SRD5A1: variants seen among roughly 807,000 people sequenced by gnomAD.
SRD5A1 encodes the protein steroid 5 alpha-reductase 1, also known as 3-oxo-5-alpha-steroid 4-dehydrogenase 1.
SRD5A1 carries 22 observed loss-of-function variants against 28.2 expected under a neutral mutation model. The ratio of observed to expected loss-of-function variants is 0.78; its 90% CI spans 0.56 to 1.12. SRD5A1 has a LOEUF of 1.12. Ranked by LOEUF, SRD5A1 falls within the 50% of genes most tolerant of loss-of-function variation. The pLI, the probability that SRD5A1 is intolerant of heterozygous loss-of-function variation, is 0.00. For synonymous variants in SRD5A1, 151 were observed against 135.0 expected, an observed-to-expected ratio of 1.12 and a Z score of -0.82; for missense variants, 300 against 346.7, an observed-to-expected ratio of 0.87 and a Z score of 1.07.
chr5:6,650,116 T>C (rs1265259218), intron 1 of SRD5A1, among the ~76,000 whole-genome samples: 1 of 152,244 alleles, frequency 6.6e-6, no homozygotes, highest in Non-Finnish European at 1.5e-5. Flanking sequence ...ACTTTGTCTA[T>C]TTCATCAAGT....
intron 1 of SRD5A1, among the ~76,000 whole-genome samples, chr5:6,636,294 A>T (rs963758479): frequency 4.6e-5 from 7 of 152,218 alleles, no homozygotes; most frequent in African/African-American, 1.7e-4. Flanking sequence ...AGCCCCTGGA[A>T]GCGTCCTGGA....
intron 1 of SRD5A1, among the ~76,000 whole-genome samples, chr5:6,651,099 G>A (rs1452663516): frequency 1.3e-5 from 2 of 152,142 alleles, no homozygotes; most frequent in East Asian, 3.9e-4. Flanking sequence ...GTTGCTGGGG[G>A]AATTGGGGGT....
rs1350923700 is a variant in SRD5A1 at position 6,674,353 on chromosome 5, T to C, written c.*6085T>C. The C allele has an allele frequency of 6.6e-6, 1 of 152,022 alleles. No individual in the cohort carries two copies. Among genetic ancestry groups the C allele is most frequent in the African/African-American group, 2.4e-5 (1 of 41,368 alleles). The allele number at this position is 152,022 out of a possible 1,614,324, so 9.4% of individuals were successfully genotyped here. On this transcript the variant is annotated 3_prime_UTR_variant, in exon 5 of 5. Coordinates refer to ENST00000274192, the MANE Select transcript of SRD5A1 (RefSeq NM_001047.4). ...GTAAACATAAAGCTGCTCTAAAAAATTAAATCTATTAAAAAAAAAACTGAG... is the reference window on the plus strand; with the variant it reads ...GTAAACATAAAGCTGCTCTAAAAAACTAAATCTATTAAAAAAAAAACTGAG...
Position 6,645,907 on chromosome 5 carries a change from C to T in SRD5A1, c.294-5935C>T, listed in dbSNP as rs183918008. On this transcript the variant is annotated intron_variant, in intron 1 of 4. Coordinates refer to ENST00000274192, the MANE Select transcript of SRD5A1 (RefSeq NM_001047.4). ...ATGTGCAGAACGTGCAGGTTTGTTA[C>T]ATAGGTATACACATGCCATGGTGGT... 1.1e-3 allele frequency among the ~76,000 whole-genome samples: 174 copies of T among 152,054 alleles called. 3 individuals are homozygous for T. Among genetic ancestry groups the T allele is most frequent in the African/African-American group, 3.8e-3 (159 of 41,436 alleles).
chr5:6,673,563 T>C lies in SRD5A1; in HGVS notation c.*5295T>C, dbSNP rs1470362087. On this transcript the variant is annotated 3_prime_UTR_variant, in exon 5 of 5. Coordinates refer to ENST00000274192, the MANE Select transcript of SRD5A1 (RefSeq NM_001047.4). ...GTAAACATACTCTTACTAAACAATC[T>C]AGTAGATTTGCTCCTAGGTGTTTAC... is the stretch of plus-strand genomic sequence containing the variant. 1 of 152,144 alleles carries C rather than the reference T, an allele frequency of 6.6e-6. No individual in the cohort carries two copies. The highest frequency in any genetic ancestry group is 1.5e-5 in the Non-Finnish European group (1 of 68,026). The allele number at this position is 152,144 out of a possible 1,614,324, so 9.4% of individuals were successfully genotyped here.
At chr5:6,638,045 G>T (rs762842759) in intron 1 of SRD5A1, among the ~76,000 whole-genome samples, 1 of 152,206 alleles carries the variant, frequency 6.6e-6, no homozygotes. Context: ...CATTAAAATT[G>T]TAGTTTTTTT....
chr5:6,665,996 A>G (rs768356756), intron 4 of SRD5A1, among the ~76,000 whole-genome samples: 11 of 152,230 alleles, frequency 7.2e-5, no homozygotes, highest in Non-Finnish European at 1.6e-4. Flanking sequence ...TCAGTTTTGC[A>G]GAAGTATGTT....
chr5:6,658,986 G>A (rs1330264611), intron 3 of SRD5A1, among the ~76,000 whole-genome samples: 1 of 151,884 alleles, frequency 6.6e-6, no homozygotes, highest in Non-Finnish European at 1.5e-5. Flanking sequence ...GCATGGTGGT[G>A]CACACCTGTA....
intron 1 of SRD5A1, among the ~76,000 whole-genome samples, chr5:6,636,404 A>G (rs1010932934): frequency 4.6e-5 from 7 of 152,146 alleles, no homozygotes; most frequent in Admixed American, 3.9e-4. Flanking sequence ...GGCAGGAGAA[A>G]AGTGAGCCTG....
chr5:6,644,101 G>A (rs1738440326), intron 1 of SRD5A1, among the ~76,000 whole-genome samples: 1 of 152,218 alleles, frequency 6.6e-6, no homozygotes, highest in South Asian at 2.1e-4. Flanking sequence ...AATGTTTCCT[G>A]GGAGTTGCTT....
Position 6,668,418 on chromosome 5 carries a change from A to G in SRD5A1, c.*150A>G, listed in dbSNP as rs1739256257. 5 of 517,054 alleles carry G rather than the reference A, an allele frequency of 9.7e-6. No individual in the cohort carries two copies. In the South Asian group the frequency reaches 9.7e-5, roughly 10 times the overall value. The allele number at this position is 517,054 out of a possible 1,614,324, so 32.0% of individuals were successfully genotyped here. A position where few individuals can be genotyped will look rare whatever the true frequency, so the allele number is the denominator to read the frequency against. On this transcript the variant is annotated 3_prime_UTR_variant, in exon 5 of 5. Transcript: ENST00000274192. Reference sequence around the variant, plus strand: ...GAATTTTTTTTCTAGTAATTTTGCAATCTACCTAATAAGTACCTAAATACG... The same window carrying G: ...GAATTTTTTTTCTAGTAATTTTGCAGTCTACCTAATAAGTACCTAAATACG...
At position 6,633,863 on chromosome 5, in the gene SRD5A1, G is replaced by A. The variant is rs770647829; in HGVS notation, c.287G>A (p.Gly96Glu). The change falls in exon 1 of 5, where the codon GGG (glycine) becomes GAG (glutamate). Residue 96 changes from glycine to glutamate, a missense_variant. By Grantham distance (98) the Gly-to-Glu change is moderately conservative (BLOSUM62 -2). Coordinates refer to ENST00000274192, the MANE Select transcript of SRD5A1 (RefSeq NM_001047.4). ...CTGGCCATGTTCCTCGTCCACTACG[G>A]GCATCGGTAACGTCCCCGGCCCCCG... ...ILLAMFLVHY[G>E]HRCLIYPFLM... 3 of 1,596,844 alleles carry A rather than the reference G, an allele frequency of 1.9e-6. No individual in the cohort carries two copies. The highest frequency in any genetic ancestry group is 2.2e-5 in the East Asian group (1 of 44,728).
At chr5:6,650,411 GAA>G (rs563990147) in intron 1 of SRD5A1, among the ~76,000 whole-genome samples, 19 of 112,458 alleles carry the variant, frequency 1.7e-4, no homozygotes, top group Admixed American at 3.7e-4. Flanking sequence ...ACCCTGTCTT[GAA>G]AAAAAAAAAA....
At chr5:6,655,156 GATA>G (rs1289430715) in intron 2 of SRD5A1, among the ~76,000 whole-genome samples, 1 of 152,206 alleles carries the variant, frequency 6.6e-6, no homozygotes, top group Non-Finnish European at 1.5e-5. Context: ...TGATGACTCA[GATA>G]ATAATGATGC....
In SRD5A1 at chr5:6,657,888, C is replaced by A. The variant is rs1477568725; in HGVS notation, c.562+1709C>A. Among the ~76,000 whole-genome samples the A allele has an allele frequency of 7.9e-5, 12 of 152,320 alleles. No individual in the cohort carries two copies. In the East Asian group the frequency reaches 2.1e-3, roughly 27 times the overall value. ...CTTGTTCTAATCCAACATATTCAAA[C>A]CTGAACAACAAAAAAGGTACAATCC... On this transcript the variant is annotated intron_variant, in intron 3 of 4. Transcript: ENST00000274192.
chr5:6,639,307 G>T (rs556427981), intron 1 of SRD5A1, among the ~76,000 whole-genome samples: 3 of 152,340 alleles, frequency 2.0e-5, no homozygotes, highest in African/African-American at 7.2e-5. Flanking sequence ...AATGCATACT[G>T]TGCTATATTT....
intron 1 of SRD5A1, among the ~76,000 whole-genome samples, chr5:6,642,943 TCACA>T (rs886287417): frequency 1.3e-5 from 2 of 152,172 alleles, no homozygotes; most frequent in Non-Finnish European, 2.9e-5. Flanking sequence ...ATGGGCTTAA[TCACA>T]CACAACAGAT....
intron 3 of SRD5A1, among the ~76,000 whole-genome samples, chr5:6,658,514 G>A (rs1030426372): frequency 2.6e-5 from 4 of 152,174 alleles, no homozygotes; most frequent in African/African-American, 9.7e-5. Flanking sequence ...CCAGCTTCCT[G>A]ACGGCCTGTG....
intron 4 of SRD5A1, among the ~76,000 whole-genome samples, chr5:6,666,640 A>G (rs922298447): frequency 7.9e-5 from 12 of 152,226 alleles, no homozygotes; most frequent in African/African-American, 2.7e-4. Flanking sequence ...AGTAAGAAAA[A>G]TTTAATCATT....
Sources: allele counts gnomAD v4.1 joint callset (sites outside exome capture counted in the v4.1 genomes callset), GRCh38; gene constraint gnomAD v4.1.1; transcripts MANE v1.5; gene names NCBI Gene and HGNC (gene_info 2026-07-23, HGNC 2026-07-21).